SLIT3: variants seen among roughly 807,000 people sequenced by gnomAD.
SLIT3 encodes slit homolog 3 protein.
Under a neutral mutation model 184.0 loss-of-function variants are expected in SLIT3, and 68 were observed. That is an observed-to-expected ratio of 0.37 (90% CI 0.30 to 0.45). The LOEUF (loss-of-function observed/expected upper bound fraction) is 0.45. SLIT3 is among the 20% of genes least tolerant of loss of function. The probability of loss-of-function intolerance (pLI) is 1.00; values close to 1 mark genes in which losing one functional copy is unlikely to be tolerated. For synonymous variants in SLIT3, 831 were observed against 828.6 expected (o/e 1.00, Z -0.05); for missense variants, 1,707 against 2,026.0 (o/e 0.84, Z 3.02).
intron 4 of SLIT3, among the ~76,000 whole-genome samples, chr5:168,918,715 C>T (rs920427905): frequency 6.6e-6 from 1 of 152,134 alleles, no homozygotes; most frequent in Non-Finnish European, 1.5e-5. Context: ...TAAAGTTCTT[C>T]AGGAAAGGAG....
At chr5:168,785,704 C>T (rs1226252340) in intron 12 of SLIT3, among the ~76,000 whole-genome samples, 1 of 152,262 alleles carries the variant, frequency 6.6e-6, no homozygotes, top group Non-Finnish European at 1.5e-5. Context: ...TTTATGCACA[C>T]TGACCTCGGT....
chr5:169,199,597 A>T (rs1763851511), intron 3 of SLIT3, among the ~76,000 whole-genome samples: 2 of 152,154 alleles, frequency 1.3e-5, no homozygotes, highest in Non-Finnish European at 2.9e-5. Flanking sequence ...TACCTCATTT[A>T]ATCTCCATGG....
chr5:169,164,455 C>T (rs1408351713), intron 4 of SLIT3, among the ~76,000 whole-genome samples: 1 of 152,166 alleles, frequency 6.6e-6, no homozygotes, highest in Non-Finnish European at 1.5e-5. Flanking sequence ...GGTGTGCTTC[C>T]ACTCTGGGTG....
chr5:169,158,743 T>C (rs958953138), intron 4 of SLIT3, among the ~76,000 whole-genome samples: 1 of 152,066 alleles, frequency 6.6e-6, no homozygotes, highest in Non-Finnish European at 1.5e-5. Context: ...TAGTAAATTG[T>C]CAACACCAGT....
intron 3 of SLIT3, among the ~76,000 whole-genome samples, chr5:169,234,958 A>G (rs545629250): frequency 4.2e-4 from 64 of 152,224 alleles, no homozygotes; most frequent in African/African-American, 1.5e-3. Flanking sequence ...ATGCTTAAGG[A>G]CTTTTTCCTT....
intron 4 of SLIT3, among the ~76,000 whole-genome samples, chr5:169,002,068 CT>C (rs1198361851): frequency 3.9e-5 from 6 of 151,934 alleles, no homozygotes; most frequent in African/African-American, 1.5e-4. Flanking sequence ...AATCACAGCA[CT>C]TTGAGAGGCC....
chr5:169,139,062 C>T (rs1194299948), intron 4 of SLIT3, among the ~76,000 whole-genome samples: 1 of 152,206 alleles, frequency 6.6e-6, no homozygotes, highest in East Asian at 1.9e-4. Context: ...TCACTTTTCA[C>T]CAGCATGTCT....
chr5:169,118,320 G>C (rs1313916045), intron 4 of SLIT3, among the ~76,000 whole-genome samples: 6 of 151,962 alleles, frequency 3.9e-5, no homozygotes, highest in Non-Finnish European at 8.8e-5. Context: ...CATATATGGA[G>C]GACATGTGTG....
At chr5:169,140,076 T>G (rs1382586455) in intron 4 of SLIT3, among the ~76,000 whole-genome samples, 20 of 151,874 alleles carry the variant, frequency 1.3e-4, no homozygotes, top group Admixed American at 1.2e-3. Context: ...GAACCAAGGC[T>G]GACTGGGGAG....
chr5:169,125,795 A>C (rs1761057384), intron 4 of SLIT3, among the ~76,000 whole-genome samples: 1 of 152,232 alleles, frequency 6.6e-6, no homozygotes, highest in Non-Finnish European at 1.5e-5. Context: ...CAACGAACGC[A>C]TTCCTTCCAT....
At chr5:168,982,207 A>T (rs1390053075) in intron 4 of SLIT3, among the ~76,000 whole-genome samples, 1 of 152,228 alleles carries the variant, frequency 6.6e-6, no homozygotes, top group Non-Finnish European at 1.5e-5. Context: ...TCCACAACTC[A>T]TGTTGAAATT....
At chr5:168,667,900 G>C (rs571637752) in intron 35 of SLIT3, 1 of 152,270 alleles carries the variant, frequency 6.6e-6, no homozygotes, top group South Asian at 2.1e-4. Context: ...GTGCAGATGG[G>C]GCAACATGCT....
intron 6 of SLIT3, among the ~76,000 whole-genome samples, chr5:168,843,201 C>T (rs1480075165): frequency 6.6e-6 from 1 of 152,130 alleles, no homozygotes; most frequent in Non-Finnish European, 1.5e-5. Context: ...CCTTTTATTT[C>T]CCGTGATTCC....
chr5:168,823,213 C>G, intron 7 of SLIT3, 47 bp downstream of exon 7: 1 of 1,445,296 alleles, frequency 6.9e-7, no homozygotes, highest in Non-Finnish European at 9.7e-7. Flanking sequence ...GCACTTTGGG[C>G]GTGAGGTAGG....
chr5:168,972,997 G>A (rs1217119171), intron 4 of SLIT3, among the ~76,000 whole-genome samples: 2 of 152,158 alleles, frequency 1.3e-5, no homozygotes, highest in Non-Finnish European at 2.9e-5. Context: ...GCAAAATGCT[G>A]AGAGTAGCTG....
intron 5 of SLIT3, 55 bp from the exon 6 acceptor site, chr5:168,844,710 G>A (rs1758395407): frequency 6.5e-6 from 10 of 1,546,282 alleles, no homozygotes; most frequent in Middle Eastern, 1.7e-4. Context: ...GTGAGGGGCC[G>A]GCGGCCCAGG....
chr5:169,010,278 T>C (rs534331122), intron 4 of SLIT3, among the ~76,000 whole-genome samples: 1 of 152,190 alleles, frequency 6.6e-6, no homozygotes, highest in Non-Finnish European at 1.5e-5. Flanking sequence ...TGAACAGCGA[T>C]AAGGGGAAGG....
intron 12 of SLIT3, among the ~76,000 whole-genome samples, chr5:168,774,966 C>G (rs888676025): frequency 6.6e-6 from 1 of 151,930 alleles, no homozygotes; most frequent in Non-Finnish European, 1.5e-5. Flanking sequence ...TGTGGTTTGA[C>G]CTTGGCCCTT....
At chr5:168,699,233 G>A (rs1041094041) in intron 27 of SLIT3, among the ~76,000 whole-genome samples, 3 of 152,244 alleles carry the variant, frequency 2.0e-5, no homozygotes, top group African/African-American at 4.8e-5. Flanking sequence ...AGGTGGACAC[G>A]TGGGCGGGCG....
Sources: gnomAD v4.1 joint callset for allele counts (sites outside exome capture counted in the v4.1 genomes callset) on GRCh38, gnomAD v4.1.1 for gene constraint, MANE v1.5 for transcripts, NCBI Gene and HGNC (gene_info 2026-07-23, HGNC 2026-07-21) for gene names.